CAB39L: variants seen among roughly 807,000 people sequenced by gnomAD.
The protein encoded by CAB39L is calcium binding protein 39 like.
Under a neutral mutation model 39.1 loss-of-function variants are expected in CAB39L, and 23 were observed. The observed-to-expected ratio is 0.59, with a 90% CI of 0.42 to 0.83. The LOEUF (loss-of-function observed/expected upper bound fraction) is 0.83, where lower values mean the gene tolerates loss of function less well. Among genes scored for constraint, CAB39L ranks in the 40% least tolerant of loss-of-function variants. The probability of loss-of-function intolerance (pLI) is 0.00; values close to 1 mark genes in which losing one functional copy is unlikely to be tolerated. For synonymous variants in CAB39L, 126 were observed against 137.2 expected (o/e 0.92, Z 0.57); for missense variants, 366 against 391.9 (o/e 0.93, Z 0.56).
At chr13:49,438,650 C>A (rs1957455518) in intron 1 of CAB39L, among the ~76,000 whole-genome samples, 1 of 152,116 alleles carries the variant, frequency 6.6e-6, no homozygotes, top group Non-Finnish European at 1.5e-5. Context: ...CACCAAAAAT[C>A]CAATCTGATT....
At chr13:49,368,317 G>A (rs989628926) in intron 5 of CAB39L, among the ~76,000 whole-genome samples, 1 of 152,104 alleles carries the variant, frequency 6.6e-6, no homozygotes, top group African/African-American at 2.4e-5. Flanking sequence ...CTGCTACCAG[G>A]GACCGCTTCC....
At chr13:49,318,350 C>T (rs1417592867) in intron 10 of CAB39L, among the ~76,000 whole-genome samples, 1 of 150,412 alleles carries the variant, frequency 6.6e-6, no homozygotes, top group Admixed American at 6.7e-5. Context: ...CATTGTAGTT[C>T]CAGCTGCTCA....
Position 49,332,082 on chromosome 13 carries a change from C to G in CAB39L, c.699G>C (p.Gly233=). The change falls in exon 10 of 11, where the codon GGG becomes GGC. Residue 233 remains glycine, a synonymous_variant. Transcript: ENST00000409308. ...AGTTGTGACGGTCCAGGATCAGCTC[C>G]CCTAGCAGCTAGAGGAAAACACAAA... The part of the protein sequence containing the change: ...VTKRQSLKLL[G]ELILDRHNFA... The G allele has an allele frequency of 6.2e-7, 1 of 1,613,590 alleles. No homozygotes were observed. Among genetic ancestry groups the G allele is most frequent in the East Asian group, 2.2e-5 (1 of 44,858 alleles).
intron 3 of CAB39L, among the ~76,000 whole-genome samples, chr13:49,404,867 C>G (rs1703826215): frequency 6.6e-6 from 1 of 152,024 alleles, no homozygotes; most frequent in African/African-American, 2.4e-5. Context: ...GACAGACTAT[C>G]TGAAATACAC....
chr13:49,382,896 A>C lies in CAB39L; in HGVS notation c.15T>G (p.Pro5=), dbSNP rs1362503609. The C allele has an allele frequency of 1.2e-6, 2 of 1,606,794 alleles. No individual in the cohort carries two copies. Among genetic ancestry groups the C allele is most frequent in the South Asian group, 2.2e-5 (2 of 90,178 alleles). ...GATTTTTGTGTGATTTACTAAACAAAGGCATTTTTTTCATGTGTAGAAATC... is the reference window on the plus strand; with the variant it reads ...GATTTTTGTGTGATTTACTAAACAACGGCATTTTTTTCATGTGTAGAAATC... MKKM[P]LFSKSHKNPA... Residue 5 remains proline, a synonymous_variant, in exon 4 of 11, where the codon CCT becomes CCG. Coordinates refer to ENST00000409308, the MANE Select transcript of CAB39L (RefSeq NM_001079670.3).
intron 3 of CAB39L, among the ~76,000 whole-genome samples, chr13:49,422,784 C>T (rs543964850): frequency 9.2e-5 from 14 of 151,982 alleles, no homozygotes; most frequent in South Asian, 2.1e-4. Context: ...TAGAAGCAAC[C>T]GGAATGAATT....
intron 9 of CAB39L, among the ~76,000 whole-genome samples, chr13:49,337,596 T>C (rs938558459): frequency 2.0e-5 from 3 of 152,262 alleles, no homozygotes; most frequent in African/African-American, 7.2e-5. Flanking sequence ...AAGTAGCAGA[T>C]GTAACTTGGT....
chr13:49,414,390 A>C (rs781121000), intron 3 of CAB39L, among the ~76,000 whole-genome samples: 1 of 152,188 alleles, frequency 6.6e-6, no homozygotes, highest in Non-Finnish European at 1.5e-5. Context: ...ATGCTTTTTA[A>C]CATATCAATT....
intron 4 of CAB39L, among the ~76,000 whole-genome samples, chr13:49,380,345 C>A (rs79427135): frequency 0.01 from 1,598 of 152,286 alleles, 11 homozygotes; most frequent in South Asian, 0.036. Flanking sequence ...TGTCAAAACT[C>A]ATAAGCTTTC....
intron 3 of CAB39L, among the ~76,000 whole-genome samples, chr13:49,417,458 C>T (rs150939002): frequency 1.3e-5 from 2 of 152,182 alleles, no homozygotes; most frequent in African/African-American, 2.4e-5. Flanking sequence ...AACTATTTAA[C>T]ACTACTGTAC....
At chr13:49,411,136 T>C (rs4942828) in intron 3 of CAB39L, among the ~76,000 whole-genome samples, 105,870 of 151,938 alleles carry the variant, frequency 0.7, 37,279 homozygotes, top group Middle Eastern at 0.86. Flanking sequence ...CAGCCCGGTG[T>C]GGTGACTTGT....
At chr13:49,396,724 A>G (rs1956641525) in intron 3 of CAB39L, among the ~76,000 whole-genome samples, 1 of 152,144 alleles carries the variant, frequency 6.6e-6, no homozygotes. Context: ...ACAAAAAAAA[A>G]ATTCAGAAAA....
At chr13:49,365,853 T>G (rs1442497275) in intron 5 of CAB39L, among the ~76,000 whole-genome samples, 1 of 152,224 alleles carries the variant, frequency 6.6e-6, no homozygotes, top group Non-Finnish European at 1.5e-5. Flanking sequence ...CTCCCATATA[T>G]GTTGCAGTAT....
At chr13:49,436,888 T>C (rs1039589541) in intron 1 of CAB39L, among the ~76,000 whole-genome samples, 2 of 152,144 alleles carry the variant, frequency 1.3e-5, no homozygotes, top group Non-Finnish European at 2.9e-5. Flanking sequence ...AGTGCTATAG[T>C]TGGATGTTTC....
intron 1 of CAB39L, among the ~76,000 whole-genome samples, chr13:49,436,351 T>C (rs1716158867): frequency 6.6e-6 from 1 of 152,224 alleles, no homozygotes; most frequent in Non-Finnish European, 1.5e-5. Context: ...AACTTAACTA[T>C]TAGCTTTGCT....
At chr13:49,405,761 C>CGGAG (rs1956862877) in intron 3 of CAB39L, among the ~76,000 whole-genome samples, 1 of 44,680 alleles carries the variant, frequency 2.2e-5, no homozygotes, top group Non-Finnish European at 4.7e-5. Flanking sequence ...GAGGGAGGGA[C>CGGAG]GGAGGGACAG....
intron 3 of CAB39L, among the ~76,000 whole-genome samples, chr13:49,404,721 T>C (rs1956837197): frequency 6.6e-6 from 1 of 152,028 alleles, no homozygotes; most frequent in African/African-American, 2.4e-5. Flanking sequence ...TCAGATAATA[T>C]AACAAAGAGA....
Position 49,380,608 on chromosome 13 carries a change from C to G in CAB39L, c.111+2192G>C, listed in dbSNP as rs906630983. ...TGAGTTGCAAAACTTTGTGAATGTA[C>G]TAAAAACCAATGAATTGTACACTTT... On this transcript the variant is annotated intron_variant, in intron 4 of 10. Coordinates refer to ENST00000409308, the MANE Select transcript of CAB39L (RefSeq NM_001079670.3). Among the ~76,000 whole-genome samples, 5 of 152,018 alleles carry G rather than the reference C, an allele frequency of 3.3e-5. No homozygotes were observed. The South Asian group carries it at 8.3e-4, about 25-fold the overall frequency.
intron 5 of CAB39L, among the ~76,000 whole-genome samples, chr13:49,375,337 T>C (rs184758991): frequency 1.3e-3 from 201 of 152,312 alleles, no homozygotes; most frequent in Admixed American, 7.8e-3. Flanking sequence ...AGTGTGTTTT[T>C]CACTATGCCA....
Sources: gnomAD v4.1 joint callset for allele counts (sites outside exome capture counted in the v4.1 genomes callset) on GRCh38, gnomAD v4.1.1 for gene constraint, MANE v1.5 for transcripts, NCBI Gene and HGNC (gene_info 2026-07-23, HGNC 2026-07-21) for gene names.